BRD9: variants seen among roughly 807,000 people sequenced by gnomAD.
The protein encoded by BRD9 is bromodomain containing 9, also known as bromodomain-containing protein 9.
A neutral mutation model predicts 68.7 loss-of-function variants in BRD9; 47 were observed. The ratio of observed to expected loss-of-function variants is 0.68; its 90% CI spans 0.54 to 0.87. The LOEUF (loss-of-function observed/expected upper bound fraction) is 0.87, where lower values mean the gene tolerates loss of function less well. Among genes scored for constraint, BRD9 ranks in the 40% least tolerant of loss-of-function variants. The probability of loss-of-function intolerance (pLI) is 0.00; values close to 1 mark genes in which losing one functional copy is unlikely to be tolerated. For synonymous variants in BRD9, 313 were observed against 293.9 expected (o/e 1.06, Z -0.67); for missense variants, 670 against 748.4 (o/e 0.90, Z 1.22).
At chr5:877,645 G>A (rs1297178501) in intron 11 of BRD9, among the ~76,000 whole-genome samples, 1 of 152,188 alleles carries the variant, frequency 6.6e-6, no homozygotes, top group East Asian at 1.9e-4. Context: ...CGGAAAAGCA[G>A]GCTGCTACAT....
chr5:865,678 C>T (rs1560888878), intron 14 of BRD9, 97 bp from the exon 15 acceptor site: 2 of 1,327,092 alleles, frequency 1.5e-6, no homozygotes, highest in Non-Finnish European at 2.1e-6. Flanking sequence ...GGCCTCTCTG[C>T]TCAGGACAAT....
chr5:882,781 C>T (rs926166528), intron 8 of BRD9, among the ~76,000 whole-genome samples: 3 of 151,482 alleles, frequency 2.0e-5, no homozygotes, highest in Admixed American at 6.6e-5. Flanking sequence ...ACACGAGCCA[C>T]GCAAACCACA....
chr5:877,289 C>T (rs377116554), intron 11 of BRD9, among the ~76,000 whole-genome samples: 1 of 152,326 alleles, frequency 6.6e-6, no homozygotes, highest in East Asian at 1.9e-4. Context: ...GAGGTGAGGG[C>T]TGGCGGGAGG....
At chr5:878,694 G>A in intron 10 of BRD9, 3 of 642,548 alleles carry the variant, frequency 4.7e-6, no homozygotes, top group Non-Finnish European at 7.9e-6. Flanking sequence ...TTTTACTTCT[G>A]CAGGCCAAAG....
chr5:891,357 C>T, intron 2 of BRD9, 70 bp from the exon 3 acceptor site: 1 of 1,510,728 alleles, frequency 6.6e-7, no homozygotes. Context: ...GCCCAATCCC[C>T]TCGCAGTTCT....
intron 5 of BRD9, among the ~76,000 whole-genome samples, chr5:888,802 C>G (rs964104419): frequency 1.3e-5 from 2 of 152,214 alleles, no homozygotes; most frequent in African/African-American, 4.8e-5. Flanking sequence ...AAACAGACTT[C>G]TAACAGCGTG....
intron 1 of BRD9, chr5:892,060 G>C: frequency 2.5e-6 from 2 of 785,826 alleles, no homozygotes; most frequent in Non-Finnish European, 3.9e-6. Context: ...GGAGCTTCAG[G>C]TCCCTTTCGA....
At chr5:866,728 T>C (rs1353457225) in intron 14 of BRD9, among the ~76,000 whole-genome samples, 1 of 152,188 alleles carries the variant, frequency 6.6e-6, no homozygotes, top group East Asian at 1.9e-4. Flanking sequence ...TTAGGGCACC[T>C]GGTGGAAGAA....
intron 2 of BRD9, 141 bp from the exon 3 acceptor site, chr5:891,428 C>A: frequency 7.4e-7 from 1 of 1,360,078 alleles, no homozygotes; most frequent in Non-Finnish European, 9.8e-7. Context: ...CAGGCTCCCT[C>A]CTCACAGAGA....
intron 4 of BRD9, 116 bp from the exon 5 acceptor site, chr5:889,281 G>A (rs10062549): frequency 0.055 from 62,989 of 1,144,638 alleles, 2,148 homozygotes; most frequent in African/African-American, 0.15. Flanking sequence ...AAATAAAAAA[G>A]TTACGAGCGT....
rs1753091480 is a variant in BRD9 at position 889,826 on chromosome 5, A to C, written c.401-179T>G. 81 of 1,353,406 alleles carry C rather than the reference A, an allele frequency of 6.0e-5. No individual in the cohort carries two copies. In the South Asian group the frequency reaches 9.5e-4, roughly 16 times the overall value. 83.8% of individuals were successfully genotyped at this position (1,353,406 alleles called of 1,614,324 possible). On this transcript the variant is annotated intron_variant, in intron 3 of 15. Coordinates refer to ENST00000467963, the MANE Select transcript of BRD9 (RefSeq NM_023924.5). ...GCTCCCACCAAGCTCAGCCGGGTAGAAAGGGCACCCCCACAGCAGGAGTCA... is the reference window on the plus strand; with the variant it reads ...GCTCCCACCAAGCTCAGCCGGGTAGCAAGGGCACCCCCACAGCAGGAGTCA...
At chr5:887,316 G>A (rs1471908724) in intron 6 of BRD9, 45 bp downstream of exon 6, 16 of 1,510,414 alleles carry the variant, frequency 1.1e-5, no homozygotes, top group Non-Finnish European at 1.3e-5. Flanking sequence ...ACGGGGGGCA[G>A]AGCCCCTGCT....
At chr5:874,756 C>CT (rs1353565978) in intron 12 of BRD9, among the ~76,000 whole-genome samples, 1 of 152,246 alleles carries the variant, frequency 6.6e-6, no homozygotes, top group Non-Finnish European at 1.5e-5. Flanking sequence ...GGGACGACAT[C>CT]ATCAGTGAAA....
At chr5:876,510 T>C (rs988553640) in intron 11 of BRD9, among the ~76,000 whole-genome samples, 5 of 152,172 alleles carry the variant, frequency 3.3e-5, no homozygotes, top group Non-Finnish European at 2.9e-5. Context: ...ACTCCTATCT[T>C]TCCACTCGTT....
intron 7 of BRD9, among the ~76,000 whole-genome samples, chr5:884,848 C>T (rs1277543345): frequency 6.6e-6 from 1 of 152,276 alleles, no homozygotes; most frequent in African/African-American, 2.4e-5. Context: ...ACTCAGGCAC[C>T]TGCGTGAGCC....
chr5:892,407 A>C, intron 1 of BRD9, 199 bp downstream of exon 1: 1 of 1,245,208 alleles, frequency 8.0e-7, no homozygotes, highest in Non-Finnish European at 1.1e-6. Context: ...TCTACCAGGA[A>C]CGTAAGCGCC....
intron 2 of BRD9, 149 bp downstream of exon 2, chr5:891,491 T>G (rs775756142): frequency 4.5e-6 from 6 of 1,346,988 alleles, no homozygotes; most frequent in Non-Finnish European, 5.9e-6. Context: ...GAACTGAGTC[T>G]GCGGGCCTCA....
chr5:884,161 G>C, intron 7 of BRD9, 91 bp from the exon 8 acceptor site: 4 of 1,515,438 alleles, frequency 2.6e-6, no homozygotes, highest in East Asian at 2.3e-5. Flanking sequence ...AGCTTCTACC[G>C]ACCCTGCCCT....
At position 884,068 on chromosome 5, in the gene BRD9, C is replaced by G. The variant is rs1752201479; in HGVS notation, c.836G>C (p.Cys279Ser). 6.2e-7 allele frequency: 1 copy of G among 1,612,932 alleles called. No homozygotes were observed. The highest frequency in any genetic ancestry group is 1.3e-5 in the African/African-American group (1 of 74,938). The change falls in exon 8 of 16, where the codon TGC becomes TCC. Residue 279 changes from cysteine to serine, a missense_variant and splice_region_variant. By Grantham distance (112) the Cys-to-Ser change is moderately radical (BLOSUM62 -1). Transcript: ENST00000467963. ...GGCATTCCCTTCAGGCTCAAACATG[C>G]AGCTGTGAGGTGGGGACAACCAAGT... ...SKKPSREVIS[C>S]MFEPEGNACS... is the part of the protein sequence containing the mutation.
Sources: allele counts gnomAD v4.1 joint callset (sites outside exome capture counted in the v4.1 genomes callset), GRCh38; gene constraint gnomAD v4.1.1; transcripts MANE v1.5; gene names NCBI Gene and HGNC (gene_info 2026-07-23, HGNC 2026-07-21).